PDE1A: variants seen among roughly 807,000 people sequenced by gnomAD.
The protein encoded by PDE1A is dual specificity calcium/calmodulin-dependent 3',5'-cyclic nucleotide phosphodiesterase 1A.
In PDE1A, 35 loss-of-function variants were observed where a neutral mutation model predicts 61.7. The observed-to-expected ratio is 0.57, with a 90% confidence interval of 0.43 to 0.75. PDE1A has a LOEUF of 0.75. PDE1A is among the 30% of genes least tolerant of loss of function. PDE1A has a pLI of 0.00. For missense variants in PDE1A, 597 were observed against 630.6 expected (o/e 0.95, Z 0.57); for synonymous variants, 232 against 213.2 (o/e 1.09, Z -0.77).
chr2:182,240,268 C>T (rs1690396759), exon 3 of PDE1A: 1 of 1,602,948 alleles, frequency 6.2e-7, no homozygotes, highest in Non-Finnish European at 8.5e-7. Flanking sequence ...TGTCACTGAG[C>T]TCATCTTCAG....
the PDE1A span, among the ~76,000 whole-genome samples, chr2:182,680,526 G>T: frequency 6.6e-6 from 1 of 152,082 alleles, no homozygotes; most frequent in Non-Finnish European, 1.5e-5. Flanking sequence ...AAATAGTTAA[G>T]AAATACATAG....
chr2:182,388,265 A>G (rs1701231760), intron 1 of PDE1A, among the ~76,000 whole-genome samples: 1 of 152,218 alleles, frequency 6.6e-6, no homozygotes, highest in South Asian at 2.1e-4. Context: ...TTCAGCAATG[A>G]ACAGATTCAA....
At chr2:182,488,045 T>C (rs1688128570) in intron 2 of PDE1A, among the ~76,000 whole-genome samples, 1 of 152,176 alleles carries the variant, frequency 6.6e-6, no homozygotes, top group African/African-American at 2.4e-5. Flanking sequence ...TTTACAATAT[T>C]GAACAAAAAA....
chr2:182,451,950 T>A (rs917147247), intron 2 of PDE1A, among the ~76,000 whole-genome samples: 7 of 152,016 alleles, frequency 4.6e-5, no homozygotes, highest in African/African-American at 1.7e-4. Flanking sequence ...ACTGGTTCCA[T>A]AGCAGCAAAA....
At chr2:182,658,827 G>T in the PDE1A span, among the ~76,000 whole-genome samples, 2 of 152,088 alleles carry the variant, frequency 1.3e-5, no homozygotes, top group African/African-American at 4.8e-5. Flanking sequence ...GTTTCTCTTT[G>T]TATGCATACA....
intron 13 of PDE1A, chr2:182,168,347 G>T: frequency 6.8e-7 from 1 of 1,470,320 alleles, no homozygotes; most frequent in Non-Finnish European, 9.2e-7. Context: ...CTGTAAAGAA[G>T]TTATGAAAAA....
intron 1 of PDE1A, among the ~76,000 whole-genome samples, chr2:182,312,386 A>C (rs1302381068): frequency 6.6e-6 from 1 of 152,150 alleles, no homozygotes; most frequent in African/African-American, 2.4e-5. Flanking sequence ...ACTCAAGATC[A>C]CAAGGCTCTT....
Position 182,517,771 on chromosome 2 carries a change from A to G in PDE1A, c.101+4505T>C, listed in dbSNP as rs527961661. On this transcript the variant is annotated intron_variant, in intron 2 of 14. Coordinates refer to the PDE1A transcript ENST00000410103. The stretch of plus-strand genomic sequence containing the variant: ...GTGGGACAACTCCTCCTGATAAGGA[A>G]ATGCCCTGAGCTCTGCAGGACATTT... Among the ~76,000 whole-genome samples the G allele has an allele frequency of 2.6e-5, 4 of 152,296 alleles. No homozygotes were observed. The South Asian group carries it at 8.3e-4, about 32-fold the overall frequency.
the PDE1A span, among the ~76,000 whole-genome samples, chr2:182,564,353 T>C: frequency 6.6e-6 from 1 of 152,208 alleles, no homozygotes; most frequent in Admixed American, 6.5e-5. Flanking sequence ...GGTTGAAAAT[T>C]CTTTTCTTTA....
At chr2:182,645,822 A>G in the PDE1A span, among the ~76,000 whole-genome samples, 2 of 152,232 alleles carry the variant, frequency 1.3e-5, no homozygotes, top group African/African-American at 4.8e-5. Context: ...CTTGTTCCAT[A>G]GTTAAGAAAA....
chr2:182,448,447 C>G (rs1442816985), intron 2 of PDE1A, among the ~76,000 whole-genome samples: 2 of 151,830 alleles, frequency 1.3e-5, no homozygotes, highest in African/African-American at 4.8e-5. Flanking sequence ...ACACATATCC[C>G]GAAACTCCAA....
At chr2:182,677,229 T>C in the PDE1A span, among the ~76,000 whole-genome samples, 1 of 152,120 alleles carries the variant, frequency 6.6e-6, no homozygotes, top group Admixed American at 6.6e-5. Context: ...GGATACAAAA[T>C]CAATGTACAA....
At chr2:182,553,651 T>G in the PDE1A span, among the ~76,000 whole-genome samples, 1 of 152,200 alleles carries the variant, frequency 6.6e-6, no homozygotes, top group South Asian at 2.1e-4. Context: ...CCAAATGCAC[T>G]GGAGGAATTG....
At chr2:182,230,221 T>C in intron 5 of PDE1A, 75 bp from the exon 6 acceptor site, 2 of 1,173,654 alleles carry the variant, frequency 1.7e-6, no homozygotes, top group South Asian at 1.4e-5. Flanking sequence ...CTGTTTGTCA[T>C]GGAACATATT....
At chr2:182,713,512 T>A in the PDE1A span, among the ~76,000 whole-genome samples, 1 of 152,080 alleles carries the variant, frequency 6.6e-6, no homozygotes. Context: ...GTGCCTGTAA[T>A]CCCCACTACT....
At chr2:182,222,785 A>T (rs987333261) in intron 7 of PDE1A, among the ~76,000 whole-genome samples, 2 of 152,038 alleles carry the variant, frequency 1.3e-5, no homozygotes, top group African/African-American at 4.8e-5. Flanking sequence ...AGATTTATGC[A>T]GTGGTTCAAG....
At chr2:182,519,422 GA>G (rs1441583467) in intron 2 of PDE1A, among the ~76,000 whole-genome samples, 1 of 151,924 alleles carries the variant, frequency 6.6e-6, no homozygotes, top group Admixed American at 6.6e-5. Context: ...TATGGAAAAA[GA>G]TAAATAAAAA....
chr2:182,460,986 A>C (rs1559484244), intron 2 of PDE1A, among the ~76,000 whole-genome samples: 1 of 152,200 alleles, frequency 6.6e-6, no homozygotes, highest in Non-Finnish European at 1.5e-5. Flanking sequence ...TTCATGGTCA[A>C]ATGAACTAAG....
At chr2:182,238,483 T>C (rs1057027014) in intron 3 of PDE1A, among the ~76,000 whole-genome samples, 6 of 151,974 alleles carry the variant, frequency 3.9e-5, no homozygotes, top group Non-Finnish European at 5.9e-5. Flanking sequence ...CAGAATGCAT[T>C]TGGGTAAGTA....
Sources: allele counts gnomAD v4.1 joint callset (sites outside exome capture counted in the v4.1 genomes callset), GRCh38; gene constraint gnomAD v4.1.1; transcripts MANE v1.5; gene names NCBI Gene and HGNC (gene_info 2026-07-23, HGNC 2026-07-21).